Variants in PLXDC2 observed in about 807,000 individuals in gnomAD.
PLXDC2 encodes the protein plexin domain containing 2, also known as plexin domain-containing protein 2.
Under a neutral mutation model 68.9 loss-of-function variants are expected in PLXDC2, and 40 were observed. The ratio of observed to expected loss-of-function variants is 0.58; its 90% CI spans 0.45 to 0.76. The LOEUF (loss-of-function observed/expected upper bound fraction) is 0.76. Ranked by LOEUF, PLXDC2 falls within the 30% of genes least tolerant of loss-of-function variation. PLXDC2 has a pLI of 0.00. For missense variants in PLXDC2, 644 were observed against 661.9 expected (o/e 0.97, Z 0.30); for synonymous variants, 243 against 234.2 (o/e 1.04, Z -0.34).
intron 2 of PLXDC2, among the ~76,000 whole-genome samples, chr10:20,036,135 G>A (rs1416474907): frequency 6.6e-6 from 1 of 152,158 alleles, no homozygotes; most frequent in East Asian, 1.9e-4. Context: ...TGTGTGTGCT[G>A]TGGACTAACG....
In PLXDC2 at chr10:19,889,822, A is replaced by G. The variant is rs1837917940; in HGVS notation, c.112+72631A>G. On this transcript the variant is annotated intron_variant, in intron 1 of 13. Transcript: ENST00000377252. ...TGCCAGCAGGTAACCCATATAATTA[A>G]AATGAGGGCTAATCGTGTAGGCACT... Among the ~76,000 whole-genome samples, 4 of 152,178 alleles carry G rather than the reference A, an allele frequency of 2.6e-5. No individual in the cohort carries two copies. In the South Asian group the frequency reaches 8.3e-4, roughly 31 times the overall value.
chr10:20,035,051 A>G (rs1418549026), intron 2 of PLXDC2, among the ~76,000 whole-genome samples: 1 of 152,238 alleles, frequency 6.6e-6, no homozygotes, highest in Admixed American at 6.5e-5. Flanking sequence ...AGTTTCCAAC[A>G]TATATTCACA....
rs926231699 is a variant in PLXDC2 at position 20,281,082 on chromosome 10, A to G, written c.*1263A>G. 6.6e-6 allele frequency: 1 copy of G among 152,128 alleles called. No individual in the cohort carries two copies. Among genetic ancestry groups the G allele is most frequent in the African/African-American group, 2.4e-5 (1 of 41,432 alleles). The allele number at this position is 152,128 out of a possible 1,614,324, so 9.4% of individuals were successfully genotyped here. ...GAATATTTTTCTGTCACTTAGCAAA[A>G]GTGGTTCAGTTCATTGCCGCGCCCA... On this transcript the variant is annotated 3_prime_UTR_variant, in exon 14 of 14. Coordinates refer to ENST00000377252, the MANE Select transcript of PLXDC2 (RefSeq NM_032812.9).
At chr10:19,838,136 GT>G (rs1398894952) in intron 1 of PLXDC2, among the ~76,000 whole-genome samples, 1 of 151,964 alleles carries the variant, frequency 6.6e-6, no homozygotes, top group Non-Finnish European at 1.5e-5. Flanking sequence ...ATATTTTTAA[GT>G]TTTTTTGTAA....
intron 1 of PLXDC2, among the ~76,000 whole-genome samples, chr10:19,887,537 A>G (rs992984171): frequency 3.3e-5 from 5 of 152,066 alleles, no homozygotes; most frequent in African/African-American, 1.2e-4. Context: ...CAAAAACAAA[A>G]CAAACAAAAA....
chr10:19,920,269 C>G (rs1282901239), intron 1 of PLXDC2, among the ~76,000 whole-genome samples: 1 of 152,062 alleles, frequency 6.6e-6, no homozygotes, highest in African/African-American at 2.4e-5. Flanking sequence ...AGGGTGTGGT[C>G]CCTGGCTAGG....
intron 12 of PLXDC2, among the ~76,000 whole-genome samples, chr10:20,220,497 A>C (rs7092150): frequency 0.88 from 133,170 of 152,146 alleles, 58,723 homozygotes; most frequent in Middle Eastern, 0.95. Context: ...TCCTTTCTTT[A>C]CTTCCTTCCC....
intron 9 of PLXDC2, among the ~76,000 whole-genome samples, chr10:20,200,724 G>A (rs1218332254): frequency 6.6e-6 from 1 of 152,064 alleles, no homozygotes; most frequent in East Asian, 1.9e-4. Context: ...GACCTGAACA[G>A]ATATTTCTCA....
At chr10:20,196,866 T>C (rs917719089) in intron 9 of PLXDC2, among the ~76,000 whole-genome samples, 2 of 151,800 alleles carry the variant, frequency 1.3e-5, no homozygotes, top group African/African-American at 4.9e-5. Context: ...TAAATGTGGC[T>C]TTTTTTTCTG....
At chr10:19,962,384 C>CT (rs562410398) in intron 1 of PLXDC2, among the ~76,000 whole-genome samples, 1,962 of 27,746 alleles carry the variant, frequency 0.071, 396 homozygotes, top group African/African-American at 0.091. Context: ...CCCATCTTTA[C>CT]TTTTTTTTTT....
chr10:19,950,637 T>G (rs554974179), intron 1 of PLXDC2, among the ~76,000 whole-genome samples: 1 of 152,242 alleles, frequency 6.6e-6, no homozygotes, highest in South Asian at 2.1e-4. Context: ...TTTGACAGAA[T>G]TAGAACAAAA....
At chr10:20,175,788 C>T (rs1420529358) in intron 7 of PLXDC2, among the ~76,000 whole-genome samples, 3 of 152,134 alleles carry the variant, frequency 2.0e-5, no homozygotes, top group Non-Finnish European at 2.9e-5. Context: ...GCCATGATTG[C>T]ACCACTGACT....
chr10:19,862,200 G>C (rs1837331614), intron 1 of PLXDC2, among the ~76,000 whole-genome samples: 2 of 152,268 alleles, frequency 1.3e-5, no homozygotes, highest in South Asian at 4.1e-4. Context: ...TTAAACTAAA[G>C]TGTTGCAATC....
chr10:20,187,550 T>C (rs754106508), intron 9 of PLXDC2, among the ~76,000 whole-genome samples: 2 of 151,964 alleles, frequency 1.3e-5, no homozygotes, highest in East Asian at 3.9e-4. Context: ...TTAATTACAG[T>C]TATTGACATA....
At chr10:20,183,191 G>A (rs1461099802) in intron 9 of PLXDC2, among the ~76,000 whole-genome samples, 8 of 151,874 alleles carry the variant, frequency 5.3e-5, no homozygotes, top group Admixed American at 5.3e-4. Flanking sequence ...GTAGATAGGG[G>A]ATATGTAAGC....
chr10:19,898,442 G>A (rs115239677), intron 1 of PLXDC2, among the ~76,000 whole-genome samples: 3,386 of 152,190 alleles, frequency 0.022, 50 homozygotes, highest in African/African-American at 0.033. Flanking sequence ...AGGTCTTATT[G>A]TACACATATG....
chr10:19,980,948 A>G (rs1028842518), intron 1 of PLXDC2, among the ~76,000 whole-genome samples: 16 of 152,186 alleles, frequency 1.1e-4, no homozygotes, highest in Admixed American at 9.8e-4. Context: ...TAATTCATTA[A>G]GGTTTACATT....
intron 1 of PLXDC2, among the ~76,000 whole-genome samples, chr10:19,841,343 C>A (rs886696091): frequency 6.6e-6 from 1 of 152,078 alleles, no homozygotes; most frequent in Non-Finnish European, 1.5e-5. Flanking sequence ...TGGTTTTCTA[C>A]CTTTTTCACT....
At chr10:19,992,425 C>T (rs11011722) in intron 1 of PLXDC2, among the ~76,000 whole-genome samples, 34,998 of 152,038 alleles carry the variant, frequency 0.23, 4,444 homozygotes, top group East Asian at 0.51. Context: ...CATAGGTTAT[C>T]TGTGGATTAT....
Sources: gnomAD v4.1 joint callset for allele counts (sites outside exome capture counted in the v4.1 genomes callset) on GRCh38, gnomAD v4.1.1 for gene constraint, MANE v1.5 for transcripts, NCBI Gene and HGNC (gene_info 2026-07-23, HGNC 2026-07-21) for gene names.